The following CLDN16 variants were observed in gnomAD, a reference collection of about 807,000 sequenced individuals.
The protein encoded by CLDN16 is claudin 16, also known as claudin-16.
In CLDN16, 13 loss-of-function variants were observed where a neutral mutation model predicts 24.6. That is an observed-to-expected ratio of 0.53 (90% CI 0.34 to 0.84). The LOEUF (loss-of-function observed/expected upper bound fraction) is 0.84. Ranked by LOEUF, CLDN16 falls within the 40% of genes least tolerant of loss-of-function variation. The probability of loss-of-function intolerance (pLI) is 0.01; values close to 1 mark genes in which losing one functional copy is unlikely to be tolerated. For synonymous variants in CLDN16, 116 were observed against 106.7 expected (o/e 1.09, Z -0.54); for missense variants, 298 against 292.7 (o/e 1.02, Z -0.13).
At chr3:190,350,114 CT>C (rs60170279) in intron 1 of CLDN16, among the ~76,000 whole-genome samples, 5,943 of 152,172 alleles carry the variant, frequency 0.039, 204 homozygotes, top group East Asian at 0.14. Context: ...ATTTAACCAT[CT>C]CCCTCCCACA....
In CLDN16 at chr3:190,411,443, T is replaced by G. The variant is rs1356410000; in HGVS notation, c.*1407T>G. 6.6e-6 allele frequency: 1 copy of G among 152,164 alleles called. No individual in the cohort carries two copies. The highest frequency in any genetic ancestry group is 2.4e-5 in the African/African-American group (1 of 41,442). 9.4% of individuals were successfully genotyped at this position (152,164 alleles called of 1,614,324 possible). On this transcript the variant is annotated 3_prime_UTR_variant, in exon 5 of 5. Coordinates refer to ENST00000264734, the MANE Select transcript of CLDN16 (RefSeq NM_006580.4). Reference sequence around the variant, plus strand: ...ATGTTTGTAAAATTTAATTTCCAGTTTTCTAATTACTTGTCAGTCACATTA... The same window carrying G: ...ATGTTTGTAAAATTTAATTTCCAGTGTTCTAATTACTTGTCAGTCACATTA...
chr3:190,326,076 G>A (rs978575958), intron 1 of CLDN16, among the ~76,000 whole-genome samples: 7 of 152,152 alleles, frequency 4.6e-5, no homozygotes, highest in African/African-American at 1.7e-4. Flanking sequence ...GCCACTTAAA[G>A]TAACCTTGAG....
chr3:190,296,645 G>T, the CLDN16 span, among the ~76,000 whole-genome samples: 2 of 151,390 alleles, frequency 1.3e-5, no homozygotes, highest in Non-Finnish European at 2.9e-5. Context: ...TGCCTCCCGG[G>T]TTCACGCCAT....
chr3:190,383,346 G>T (rs1363701473), upstream of CLDN16, among the ~76,000 whole-genome samples: 1 of 152,128 alleles, frequency 6.6e-6, no homozygotes, highest in Non-Finnish European at 1.5e-5. Context: ...CAGTTCATCT[G>T]CTCTGAACAC....
rs568946317 is a variant in CLDN16 at position 190,326,659 on chromosome 3, G to A, written n.121+3998G>A. 1.2e-4 allele frequency among the ~76,000 whole-genome samples: 19 copies of A among 152,220 alleles called. 1 individual carries two copies. Among genetic ancestry groups the A allele is most frequent in the African/African-American group, 4.6e-4 (19 of 41,512 alleles). On this transcript the variant is annotated intron_variant and non_coding_transcript_variant, in intron 1 of 4. Transcript: ENST00000468220. ...TGAGAGAAAAACAAACAAAACCTCA[G>A]TTTGATATTTTTATTATCAAGTGCC...
chr3:190,366,794 G>T (rs747606448), intron 1 of CLDN16, among the ~76,000 whole-genome samples: 2 of 151,884 alleles, frequency 1.3e-5, no homozygotes, highest in Non-Finnish European at 2.9e-5. Flanking sequence ...CAGAGCAGTC[G>T]CTAGAGAGGA....
intron 1 of CLDN16, 32 bp downstream of exon 1, chr3:190,388,475 A>C: frequency 4.4e-6 from 7 of 1,603,766 alleles, no homozygotes; most frequent in Non-Finnish European, 6.0e-6. Flanking sequence ...TTCATGATCC[A>C]GGCCAGCCCA....
exon 1 of CLDN16, chr3:190,322,599 C>T (rs755832514): frequency 3.7e-4 from 114 of 305,016 alleles, no homozygotes; most frequent in Non-Finnish European, 5.7e-4. Context: ...GGGGACCACC[C>T]GGCAGGACCA....
chr3:190,360,068 A>G (rs940710874), intron 1 of CLDN16, among the ~76,000 whole-genome samples: 1 of 151,970 alleles, frequency 6.6e-6, no homozygotes, highest in Non-Finnish European at 1.5e-5. Flanking sequence ...TGGTCTTTAA[A>G]CTGTAGAATG....
intron 3 of CLDN16, among the ~76,000 whole-genome samples, chr3:190,407,422 C>T (rs777311142): frequency 1.3e-5 from 2 of 152,116 alleles, no homozygotes; most frequent in Non-Finnish European, 2.9e-5. Context: ...AAATCCAACT[C>T]AAGCAGACTT....
upstream of CLDN16, among the ~76,000 whole-genome samples, chr3:190,384,422 A>G (rs1196386397): frequency 1.3e-5 from 2 of 152,206 alleles, no homozygotes; most frequent in Non-Finnish European, 2.9e-5. Flanking sequence ...GACAACTGCA[A>G]TACTTCCAGT....
intron 1 of CLDN16, among the ~76,000 whole-genome samples, chr3:190,401,483 T>C (rs1408942972): frequency 6.6e-6 from 1 of 152,246 alleles, no homozygotes; most frequent in Non-Finnish European, 1.5e-5. Context: ...ATTAGCTCTG[T>C]TCCATATGCG....
At chr3:190,365,611 A>C (rs1718004315) in intron 1 of CLDN16, among the ~76,000 whole-genome samples, 1 of 150,288 alleles carries the variant, frequency 6.7e-6, no homozygotes. Context: ...ATCCTTGACC[A>C]AGTATTAAAT....
chr3:190,296,548 A>ATTTT, the CLDN16 span, among the ~76,000 whole-genome samples: 25 of 133,702 alleles, frequency 1.9e-4, no homozygotes, highest in African/African-American at 4.5e-4. Context: ...GTCAGATTTA[A>ATTTT]TTTTTTTTTT....
chr3:190,379,550 C>G (rs935581741), intron 3 of CLDN16, among the ~76,000 whole-genome samples: 2 of 152,084 alleles, frequency 1.3e-5, no homozygotes, highest in African/African-American at 4.8e-5. Flanking sequence ...GCTAGTCACA[C>G]AATCTTTATT....
chr3:190,364,351 G>A (rs998525707), intron 1 of CLDN16, among the ~76,000 whole-genome samples: 3 of 151,878 alleles, frequency 2.0e-5, no homozygotes, highest in African/African-American at 7.2e-5. Context: ...TCCTGTACAT[G>A]CCATCCTGGA....
At chr3:190,291,065 T>C in the CLDN16 span, among the ~76,000 whole-genome samples, 4 of 152,154 alleles carry the variant, frequency 2.6e-5, no homozygotes, top group Non-Finnish European at 5.9e-5. Context: ...TTGAGCATAA[T>C]GAATGCTATG....
At chr3:190,377,280 G>T (rs1297592940) in intron 3 of CLDN16, among the ~76,000 whole-genome samples, 1 of 151,912 alleles carries the variant, frequency 6.6e-6, no homozygotes, top group Non-Finnish European at 1.5e-5. Flanking sequence ...TAGGAATGTG[G>T]TAAAGGAAGC....
chr3:190,385,973 A>G (rs1386439020), upstream of CLDN16, among the ~76,000 whole-genome samples: 1 of 152,166 alleles, frequency 6.6e-6, no homozygotes, highest in Non-Finnish European at 1.5e-5. Flanking sequence ...TGCATTTATA[A>G]CAAGTGGCCT....
Sources: gnomAD v4.1 joint callset for allele counts (sites outside exome capture counted in the v4.1 genomes callset) on GRCh38, gnomAD v4.1.1 for gene constraint, MANE v1.5 for transcripts, NCBI Gene and HGNC (gene_info 2026-07-23, HGNC 2026-07-21) for gene names.